PRIM1: variants seen among roughly 807,000 people sequenced by gnomAD.
PRIM1 encodes DNA primase subunit 1.
In PRIM1, 38 loss-of-function variants were observed where a neutral mutation model predicts 60.2. The observed-to-expected ratio is 0.63, with a 90% CI of 0.49 to 0.83. PRIM1 has a LOEUF of 0.83. Among genes scored for constraint, PRIM1 ranks in the 40% least tolerant of loss-of-function variants. The probability of loss-of-function intolerance (pLI) is 0.00; values close to 1 mark genes in which losing one functional copy is unlikely to be tolerated. For missense variants in PRIM1, 388 were observed against 506.2 expected (o/e 0.77, Z 2.24); for synonymous variants, 158 against 160.2 (o/e 0.99, Z 0.10).
intron 5 of PRIM1, 96 bp downstream of exon 5, chr12:56,745,949 A>T: frequency 7.5e-7 from 1 of 1,339,956 alleles, no homozygotes; most frequent in Non-Finnish European, 1.0e-6. Flanking sequence ...AAAAAAAAAA[A>T]AAAAAGATAG....
intron 12 of PRIM1, among the ~76,000 whole-genome samples, chr12:56,732,880 T>C (rs1592330297): frequency 6.6e-6 from 1 of 151,672 alleles, no homozygotes; most frequent in African/African-American, 2.4e-5. Context: ...TTTGAGATAG[T>C]GTCTTGCTCT....
Position 56,737,688 on chromosome 12 carries a change from A to G in PRIM1, c.1144+746T>C, listed in dbSNP as rs558742326. Among the ~76,000 whole-genome samples, 20 of 151,616 alleles carry G rather than the reference A, an allele frequency of 1.3e-4. No homozygotes were observed. In the East Asian group the frequency reaches 3.7e-3, roughly 28 times the overall value. On this transcript the variant is annotated intron_variant, in intron 11 of 12. Coordinates refer to ENST00000338193, the MANE Select transcript of PRIM1 (RefSeq NM_000946.3). The stretch of plus-strand genomic sequence containing the variant: ...GGTGTTAGATTTGCCTTCCATTAGC[A>G]GGAAGATTTAGAAATTCCTTAGCTT...
At position 56,739,333 on chromosome 12, in the gene PRIM1, T is replaced by A. The variant is rs769329047; in HGVS notation, c.1013A>T (p.Lys338Ile). The A allele has an allele frequency of 1.7e-5, 27 of 1,582,804 alleles. No homozygotes were observed. Among genetic ancestry groups the A allele is most frequent in the Non-Finnish European group, 8.6e-7 (1 of 1,159,704 alleles). Residue 338 changes from lysine (K) to isoleucine (I), a missense_variant, in exon 10 of 13, where the codon AAA becomes ATA. Around this residue, in one of 3 missense-constraint regions of PRIM1, gnomAD observed 211 missense variants for 277.9 expected, o/e 0.76. Coordinates refer to ENST00000338193, the MANE Select transcript of PRIM1 (RefSeq NM_000946.3). Reference sequence around the variant, plus strand: ...AGTAAATGGATCAAACTGGTCCACTTTCTGCAAATCAATAGGCACAGATAT... The same window carrying A: ...AGTAAATGGATCAAACTGGTCCACTATCTGCAAATCAATAGGCACAGATAT... ...GRISVPIDLQ[K>I]VDQFDPFTVP...
chr12:56,751,742 T>G (rs754183441), intron 1 of PRIM1: 3 of 153,194 alleles, frequency 2.0e-5, no homozygotes, highest in Non-Finnish European at 4.4e-5. Flanking sequence ...GATGCATAAA[T>G]ATTTTAAATA....
intron 2 of PRIM1, among the ~76,000 whole-genome samples, chr12:56,749,003 G>C (rs1953927867): frequency 1.3e-5 from 2 of 151,842 alleles, no homozygotes; most frequent in South Asian, 4.2e-4. Context: ...AAAAAATGAG[G>C]GGGAAGGGTA....
chr12:56,746,653 CACACACACACACACACACACACAA>C lies in PRIM1; in HGVS notation c.442+104_442+127del, dbSNP rs1156823664. 1.3e-3 allele frequency: 975 copies of C among 740,996 alleles called. 12 individuals are homozygous for C. The East Asian group carries it at 0.023, about 18-fold the overall frequency. 45.9% of individuals were successfully genotyped at this position (740,996 alleles called of 1,614,324 possible). A position where few individuals can be genotyped will look rare whatever the true frequency, so the allele number is the denominator to read the frequency against. Reference sequence around the variant, plus strand: ...ACACACACACACACACACACACACACACACACACACACACACACACACAAATTAATGAGATTTGATCACAAAATA... The same window carrying C: ...ACACACACACACACACACACACACACATTAATGAGATTTGATCACAAAATA... On this transcript the variant is annotated intron_variant, in intron 4 of 12. Coordinates refer to ENST00000338193, the MANE Select transcript of PRIM1 (RefSeq NM_000946.3).
intron 5 of PRIM1, among the ~76,000 whole-genome samples, chr12:56,744,616 A>G (rs1280720901): frequency 6.6e-6 from 1 of 152,130 alleles, no homozygotes; most frequent in African/African-American, 2.4e-5. Context: ...AATTGCCTAC[A>G]GTATTGAGTA....
chr12:56,742,168 G>A, intron 7 of PRIM1: 1 of 312,826 alleles, frequency 3.2e-6, no homozygotes, highest in South Asian at 3.0e-5. Flanking sequence ...CAGGAAAATT[G>A]CTTAAATCTG....
At chr12:56,733,097 C>T (rs1277985633) in intron 12 of PRIM1, among the ~76,000 whole-genome samples, 1 of 151,172 alleles carries the variant, frequency 6.6e-6, no homozygotes, top group East Asian at 2.0e-4. Flanking sequence ...TCAGGTGATC[C>T]ACCTGCTTTG....
chr12:56,737,322 T>C (rs181543609), intron 11 of PRIM1, among the ~76,000 whole-genome samples: 1 of 151,328 alleles, frequency 6.6e-6, no homozygotes, highest in African/African-American at 2.4e-5. Context: ...GCCAAAAAGG[T>C]TGGGGAGTGC....
At chr12:56,733,372 T>G (rs1953798237) in intron 12 of PRIM1, among the ~76,000 whole-genome samples, 1 of 151,826 alleles carries the variant, frequency 6.6e-6, no homozygotes, top group Admixed American at 6.6e-5. Context: ...TTGGCTAGGC[T>G]TGTTTTGAAC....
chr12:56,745,448 CAAACCA>C (rs1333245967), intron 5 of PRIM1, among the ~76,000 whole-genome samples: 1 of 151,492 alleles, frequency 6.6e-6, no homozygotes, highest in Non-Finnish European at 1.5e-5. Flanking sequence ...ACCAAAAAAA[CAAACCA>C]AAACCAAAAC....
At chr12:56,746,488 G>A in intron 4 of PRIM1, 1 of 558,802 alleles carries the variant, frequency 1.8e-6, no homozygotes, top group Non-Finnish European at 3.2e-6. Flanking sequence ...AAAATTAACT[G>A]GGCGTGGTGG....
chr12:56,741,764 TTTC>T lies in PRIM1; in HGVS notation c.819_821del (p.Lys274del). The T allele has an allele frequency of 6.2e-7, 1 of 1,613,934 alleles. No individual in the cohort carries two copies. Among genetic ancestry groups the T allele is most frequent in the Non-Finnish European group, 8.5e-7 (1 of 1,179,830 alleles). On this transcript the variant is annotated inframe_deletion, in exon 8 of 13. Coordinates refer to ENST00000338193, the MANE Select transcript of PRIM1 (RefSeq NM_000946.3). ...CATATACCTGATATCTGCTGGCTAC[TTTC>T]TTCAAGTGCTCCCAACGCTGAAGTG...
intron 11 of PRIM1, 117 bp from the exon 12 acceptor site, chr12:56,734,362 A>C: frequency 1.7e-6 from 1 of 599,834 alleles, no homozygotes; most frequent in Non-Finnish European, 2.9e-6. Flanking sequence ...TATGAGAGAA[A>C]CATACATACT....
At chr12:56,747,738 C>CT (rs1953918488) in intron 2 of PRIM1, among the ~76,000 whole-genome samples, 1 of 151,934 alleles carries the variant, frequency 6.6e-6, no homozygotes, top group Non-Finnish European at 1.5e-5. Flanking sequence ...GAGCGAGACT[C>CT]TGTCTCAAAA....
chr12:56,747,129 TAA>T, intron 2 of PRIM1, 97 bp from the exon 3 acceptor site: 1 of 953,320 alleles, frequency 1.0e-6, no homozygotes, highest in Admixed American at 2.3e-5. Context: ...CAAACAGAAA[TAA>T]AGAGACTATA....
chr12:56,738,656 A>G (rs976458632), intron 10 of PRIM1, 131 bp from the exon 11 acceptor site: 57 of 871,752 alleles, frequency 6.5e-5, no homozygotes, highest in Non-Finnish European at 9.8e-5. Flanking sequence ...GGTTCAAGTG[A>G]TTCTTCTGCC....
At chr12:56,742,013 G>A (rs1953875903) in intron 7 of PRIM1, 176 bp from the exon 8 acceptor site, 3 of 644,914 alleles carry the variant, frequency 4.7e-6, no homozygotes. Context: ...AGCACTTTGG[G>A]AGGCAGAGGT....
Sources: gnomAD v4.1 joint callset for allele counts (sites outside exome capture counted in the v4.1 genomes callset) on GRCh38, gnomAD v4.1.1 for gene constraint, gnomAD v4.1.1 regional missense constraint, MANE v1.5 for transcripts, NCBI Gene and HGNC (gene_info 2026-07-23, HGNC 2026-07-21) for gene names.